ARK2N: variants seen among roughly 807,000 people sequenced by gnomAD.
The protein encoded by ARK2N is arkadia (RNF111) N-terminal like PKA signaling regulator 2N, also known as protein ARK2N.
At chr18:46,194,969 T>G in the ARK2N span, among the ~76,000 whole-genome samples, 1 of 151,354 alleles carries the variant, frequency 6.6e-6, no homozygotes, top group Non-Finnish European at 1.5e-5. Context: ...CCTGGCTAAT[T>G]TTTTGTAGTT....
chr18:46,200,903 A>G, the ARK2N span, among the ~76,000 whole-genome samples: 2 of 152,080 alleles, frequency 1.3e-5, no homozygotes, highest in Non-Finnish European at 2.9e-5. Context: ...TCTGTGTTGA[A>G]TGCCTTTTCT....
At chr18:46,238,418 C>T in the ARK2N span, among the ~76,000 whole-genome samples, 36 of 152,252 alleles carry the variant, frequency 2.4e-4, no homozygotes, top group African/African-American at 7.9e-4. Flanking sequence ...CTGACGAGAA[C>T]GCCATTGAAT....
At chr18:46,195,266 C>CTTT in the ARK2N span, among the ~76,000 whole-genome samples, 8 of 94,490 alleles carry the variant, frequency 8.5e-5, no homozygotes, top group South Asian at 3.5e-4. Flanking sequence ...TTTATTTAAC[C>CTTT]TTTTTTTTTT....
At chr18:46,208,592 C>T in the ARK2N span, among the ~76,000 whole-genome samples, 1 of 151,718 alleles carries the variant, frequency 6.6e-6, no homozygotes, top group South Asian at 2.1e-4. Flanking sequence ...GCGTCAGCCC[C>T]CCGAGTAGCT....
chr18:46,176,983 T>C, the ARK2N span, among the ~76,000 whole-genome samples: 1 of 152,198 alleles, frequency 6.6e-6, no homozygotes, highest in African/African-American at 2.4e-5. Context: ...ACTCTTGGGC[T>C]CAGGCAGTCC....
chr18:46,224,422 G>A, the ARK2N span, among the ~76,000 whole-genome samples: 1 of 152,132 alleles, frequency 6.6e-6, no homozygotes, highest in East Asian at 1.9e-4. Context: ...TCACCTAAGA[G>A]TGATTGTGTA....
chr18:46,191,813 G>A, the ARK2N span, among the ~76,000 whole-genome samples: 2 of 152,020 alleles, frequency 1.3e-5, no homozygotes, highest in East Asian at 1.9e-4. Context: ...CTCTGTGCTC[G>A]GCCTCTTCAT....
the ARK2N span, among the ~76,000 whole-genome samples, chr18:46,244,601 A>AT: frequency 9.8e-3 from 916 of 93,856 alleles, 28 homozygotes; most frequent in African/African-American, 0.031. Context: ...AAGAGTTTAG[A>AT]TTTTTTTTTT....
chr18:46,231,757 T>G, the ARK2N span: 3 of 151,994 alleles, frequency 2.0e-5, no homozygotes, highest in Admixed American at 6.6e-5. Context: ...TGTTTTTTGT[T>G]TTTTGTTTTT....
chr18:46,200,807 T>G, the ARK2N span, among the ~76,000 whole-genome samples: 1 of 152,234 alleles, frequency 6.6e-6, no homozygotes, highest in East Asian at 1.9e-4. Context: ...ACAGTGACAC[T>G]AATGCAGCAG....
the ARK2N span, among the ~76,000 whole-genome samples, chr18:46,243,346 C>T: frequency 6.6e-6 from 1 of 152,094 alleles, no homozygotes; most frequent in Non-Finnish European, 1.5e-5. Flanking sequence ...CTGTCTTTCC[C>T]TTTCACAACA....
the ARK2N span, among the ~76,000 whole-genome samples, chr18:46,239,121 A>C: frequency 6.6e-6 from 1 of 152,208 alleles, no homozygotes; most frequent in East Asian, 1.9e-4. Context: ...TAGCATTTTA[A>C]AGCATGTATC....
chr18:46,203,547 G>T, the ARK2N span, among the ~76,000 whole-genome samples: 2 of 152,094 alleles, frequency 1.3e-5, no homozygotes, highest in East Asian at 3.8e-4. Context: ...AAATGTGTCA[G>T]GATGCACACT....
At chr18:46,228,953 G>C in the ARK2N span, 2 of 394,222 alleles carry the variant, frequency 5.1e-6, no homozygotes, top group Non-Finnish European at 8.9e-6. Flanking sequence ...ATTTTGGAAA[G>C]CCTTTTCTAC....
the ARK2N span, chr18:46,240,293 A>G: frequency 8.2e-7 from 1 of 1,221,642 alleles, no homozygotes; most frequent in African/African-American, 1.5e-5. Context: ...TACCAGAGAC[A>G]TCTGGCATTG....
the ARK2N span, among the ~76,000 whole-genome samples, chr18:46,193,366 G>T: frequency 1.6e-3 from 233 of 149,348 alleles, 3 homozygotes; most frequent in African/African-American, 5.1e-3. Flanking sequence ...CTCGGCTCAC[G>T]GCAACCTCCA....
the ARK2N span, among the ~76,000 whole-genome samples, chr18:46,259,731 G>A: frequency 5.6e-5 from 8 of 142,436 alleles, no homozygotes; most frequent in Admixed American, 3.7e-4. Flanking sequence ...TCAGCCTTCC[G>A]AGTAGCTGGG....
chr18:46,204,995 G>A, the ARK2N span, among the ~76,000 whole-genome samples: 8 of 150,430 alleles, frequency 5.3e-5, no homozygotes, highest in Non-Finnish European at 1.2e-4. Flanking sequence ...CCAGGCTGGA[G>A]TGCAGTGGTG....
the ARK2N span, among the ~76,000 whole-genome samples, chr18:46,200,892 T>G: frequency 6.6e-6 from 1 of 152,186 alleles, no homozygotes. Context: ...TAAATGCCTT[T>G]TCTGTGTTGA....
Sources: allele counts gnomAD v4.1 joint callset (sites outside exome capture counted in the v4.1 genomes callset), GRCh38; gene constraint gnomAD v4.1.1; transcripts MANE v1.5; gene names NCBI Gene and HGNC (gene_info 2026-07-23, HGNC 2026-07-21).